PCDH9: variants seen among roughly 807,000 people sequenced by gnomAD.
The protein encoded by PCDH9 is protocadherin 9.
Under a neutral mutation model 70.6 loss-of-function variants are expected in PCDH9, and 24 were observed. That is an observed-to-expected ratio of 0.34 (90% CI 0.25 to 0.48). PCDH9 has a LOEUF of 0.48. Ranked by LOEUF, PCDH9 falls within the 20% of genes least tolerant of loss-of-function variation. The pLI is 0.99. For synonymous variants in PCDH9, 562 were observed against 558.5 expected, an observed-to-expected ratio of 1.01 and a Z score of -0.09; for missense variants, 1,281 against 1,503.6, an observed-to-expected ratio of 0.85 and a Z score of 2.45.
chr13:67,123,430 C>T (rs531700181), intron 2 of PCDH9, among the ~76,000 whole-genome samples: 2 of 152,270 alleles, frequency 1.3e-5, no homozygotes, highest in South Asian at 4.1e-4. Context: ...TACTTCCTTC[C>T]TTTATAAACA....
At chr13:67,163,928 T>C (rs1239710088) in intron 2 of PCDH9, among the ~76,000 whole-genome samples, 1 of 152,168 alleles carries the variant, frequency 6.6e-6, no homozygotes, top group Non-Finnish European at 1.5e-5. Flanking sequence ...AAGTAAAAGA[T>C]AATGGGGGTC....
intron 2 of PCDH9, among the ~76,000 whole-genome samples, chr13:66,979,486 C>G (rs1053554673): frequency 1.3e-5 from 2 of 152,046 alleles, no homozygotes; most frequent in Non-Finnish European, 2.9e-5. Context: ...GATCTAGAGC[C>G]CATTCCCTTT....
At chr13:66,707,957 A>G (rs2078734067) in intron 3 of PCDH9, among the ~76,000 whole-genome samples, 1 of 152,238 alleles carries the variant, frequency 6.6e-6, no homozygotes, top group African/African-American at 2.4e-5. Context: ...AATTCTCAGT[A>G]GATTTCTCTT....
chr13:66,402,769 G>A (rs148855344), intron 4 of PCDH9, among the ~76,000 whole-genome samples: 3 of 152,108 alleles, frequency 2.0e-5, no homozygotes, highest in South Asian at 2.1e-4. Context: ...TAAACTTCAC[G>A]TAATGGAAAA....
intron 2 of PCDH9, among the ~76,000 whole-genome samples, chr13:66,994,128 A>G (rs1226973231): frequency 1.3e-5 from 2 of 152,194 alleles, no homozygotes; most frequent in Admixed American, 1.3e-4. Context: ...TCAGAGACTA[A>G]AAGTCTGGCA....
Position 67,065,531 on chromosome 13 carries a change from T to G in PCDH9, c.3036+159874A>C, listed in dbSNP as rs574016797. 9.6e-4 allele frequency among the ~76,000 whole-genome samples: 146 copies of G among 152,282 alleles called. 1 individual carries two copies. The highest frequency in any genetic ancestry group is 3.4e-3 in the African/African-American group (142 of 41,562). On this transcript the variant is annotated intron_variant, in intron 2 of 4. Coordinates refer to ENST00000377865, the MANE Select transcript of PCDH9 (RefSeq NM_203487.3). ...ATTATAATGATACATGTTAGAAACC[T>G]GTAATGGCTAAAAATTCTATTAAAT...
At chr13:66,911,013 AATC>A (rs1736389518) in intron 2 of PCDH9, among the ~76,000 whole-genome samples, 1 of 152,214 alleles carries the variant, frequency 6.6e-6, no homozygotes, top group African/African-American at 2.4e-5. Flanking sequence ...CAAAATAAAT[AATC>A]ATTTAGCTTT....
intron 4 of PCDH9, among the ~76,000 whole-genome samples, chr13:66,543,927 C>G (rs1425158694): frequency 2.6e-5 from 4 of 152,130 alleles, no homozygotes; most frequent in African/African-American, 9.7e-5. Context: ...ATCACACTTG[C>G]AATTGGTGCT....
intron 3 of PCDH9, among the ~76,000 whole-genome samples, chr13:66,828,364 A>C (rs1399602489): frequency 6.6e-6 from 1 of 152,184 alleles, no homozygotes. Flanking sequence ...AACCATAAAA[A>C]ATAAACCTCT....
chr13:67,199,836 G>C (rs1055334267), intron 2 of PCDH9, among the ~76,000 whole-genome samples: 3 of 151,974 alleles, frequency 2.0e-5, no homozygotes, highest in African/African-American at 7.2e-5. Context: ...ATTTATGGGT[G>C]GAACGTGAAA....
At chr13:66,400,674 G>A (rs1041535926) in intron 4 of PCDH9, among the ~76,000 whole-genome samples, 1 of 152,108 alleles carries the variant, frequency 6.6e-6, no homozygotes, top group Non-Finnish European at 1.5e-5. Context: ...AATGGATAAA[G>A]GATTGGAATT....
At position 66,493,538 on chromosome 13, in the gene PCDH9, T is replaced by C. The variant is rs546487527; in HGVS notation, c.3340+137672A>G. Among the ~76,000 whole-genome samples the C allele has an allele frequency of 4.7e-4, 72 of 152,248 alleles. 1 individual carries two copies. In the South Asian group the frequency reaches 8.9e-3, roughly 19 times the overall value. ...ATTTAATTGGCTACCATAAAAATTA[T>C]TTTAAACCATGAAATGTGATTGGTC... On this transcript the variant is annotated intron_variant, in intron 4 of 4. Coordinates refer to ENST00000377865, the MANE Select transcript of PCDH9 (RefSeq NM_203487.3).
chr13:66,951,354 A>G (rs750289366), intron 2 of PCDH9, among the ~76,000 whole-genome samples: 29 of 152,122 alleles, frequency 1.9e-4, no homozygotes, highest in Admixed American at 3.9e-4. Context: ...AAATCAGGAA[A>G]ATTGAATGTA....
intron 2 of PCDH9, among the ~76,000 whole-genome samples, chr13:66,980,734 T>TG (rs1363550028): frequency 7.2e-5 from 10 of 138,466 alleles, no homozygotes; most frequent in Non-Finnish European, 1.3e-4. Context: ...TTCTTTGTTT[T>TG]TTTTTTTGTT....
intron 2 of PCDH9, chr13:67,224,914 C>G (rs1201630253): frequency 2.1e-5 from 21 of 990,820 alleles, no homozygotes; most frequent in Non-Finnish European, 2.4e-5. Flanking sequence ...TAATATTCTA[C>G]TATCCTGTTT....
chr13:66,980,828 ATATCC>A (rs1399559956), intron 2 of PCDH9, among the ~76,000 whole-genome samples: 5 of 150,486 alleles, frequency 3.3e-5, no homozygotes, highest in South Asian at 2.1e-4. Context: ...AAATAAACAA[ATATCC>A]TAACTAAACC....
At chr13:66,638,750 G>A (rs2077672428) in intron 3 of PCDH9, among the ~76,000 whole-genome samples, 2 of 152,050 alleles carry the variant, frequency 1.3e-5, no homozygotes, top group African/African-American at 2.4e-5. Flanking sequence ...AATCTAAAGG[G>A]GACAGAGTAG....
chr13:66,820,323 C>G (rs981421696), intron 3 of PCDH9, among the ~76,000 whole-genome samples: 1 of 152,012 alleles, frequency 6.6e-6, no homozygotes, highest in African/African-American at 2.4e-5. Flanking sequence ...TATTTTTAGT[C>G]GATACCCCTA....
intron 2 of PCDH9, among the ~76,000 whole-genome samples, chr13:67,015,993 A>G (rs567576181): frequency 1.3e-5 from 2 of 152,304 alleles, no homozygotes; most frequent in South Asian, 2.1e-4. Flanking sequence ...AGCTCAACAT[A>G]TATTTTAAGA....
Sources: allele counts gnomAD v4.1 joint callset (sites outside exome capture counted in the v4.1 genomes callset), GRCh38; gene constraint gnomAD v4.1.1; transcripts MANE v1.5; gene names NCBI Gene and HGNC (gene_info 2026-07-23, HGNC 2026-07-21).